Variants in ZNF804B observed in about 807,000 individuals in gnomAD.
ZNF804B encodes zinc finger 804B.
In ZNF804B, 80 loss-of-function variants were observed where a neutral mutation model predicts 101.4. That is an observed-to-expected ratio of 0.79 (90% CI 0.66 to 0.95). ZNF804B has a LOEUF of 0.95. Among genes scored for constraint, ZNF804B ranks in the 40% least tolerant of loss-of-function variants. ZNF804B has a pLI of 0.00. For missense variants in ZNF804B, 1,673 were observed against 1,561.9 expected (o/e 1.07, Z -1.20); for synonymous variants, 622 against 558.8 (o/e 1.11, Z -1.59).
At chr7:89,241,278 T>C (rs531729345) in intron 2 of ZNF804B, among the ~76,000 whole-genome samples, 34 of 152,214 alleles carry the variant, frequency 2.2e-4, no homozygotes, top group African/African-American at 7.5e-4. Flanking sequence ...TTATCCCAAG[T>C]TCCAGTACTT....
chr7:88,878,503 G>T (rs1791983925), intron 1 of ZNF804B, among the ~76,000 whole-genome samples: 1 of 152,040 alleles, frequency 6.6e-6, no homozygotes, highest in African/African-American at 2.4e-5. Context: ...TGATGAGAAT[G>T]GTATAGGAAT....
At chr7:89,215,700 G>A (rs1025048264) in intron 1 of ZNF804B, among the ~76,000 whole-genome samples, 1 of 151,320 alleles carries the variant, frequency 6.6e-6, no homozygotes, top group Non-Finnish European at 1.5e-5. Flanking sequence ...TGGCTAACAC[G>A]GTGAAATCCC....
At chr7:89,187,323 T>C (rs1269738378) in intron 1 of ZNF804B, among the ~76,000 whole-genome samples, 1 of 152,188 alleles carries the variant, frequency 6.6e-6, no homozygotes, top group Non-Finnish European at 1.5e-5. Context: ...ATGGATCATA[T>C]TCTTTCTCAC....
intron 1 of ZNF804B, among the ~76,000 whole-genome samples, chr7:88,770,543 T>C (rs77319882): frequency 0.012 from 1,775 of 152,272 alleles, 20 homozygotes; most frequent in African/African-American, 0.035. Flanking sequence ...AGATAATAAA[T>C]TGATGTTGCA....
At chr7:89,070,285 TGGC>T (rs1789516156) in intron 1 of ZNF804B, among the ~76,000 whole-genome samples, 1 of 152,164 alleles carries the variant, frequency 6.6e-6, no homozygotes, top group Non-Finnish European at 1.5e-5. Flanking sequence ...CAAAAGGCGC[TGGC>T]TTGAGAATAA....
At chr7:89,163,562 C>CT (rs1317226205) in intron 1 of ZNF804B, among the ~76,000 whole-genome samples, 2 of 151,922 alleles carry the variant, frequency 1.3e-5, no homozygotes, top group Non-Finnish European at 2.9e-5. Context: ...TTAGTGTTAT[C>CT]TTTTTTTCCT....
chr7:89,062,601 C>T lies in ZNF804B; in HGVS notation c.109-155554C>T, dbSNP rs568966900. 9.2e-5 allele frequency among the ~76,000 whole-genome samples: 14 copies of T among 152,176 alleles called. No individual in the cohort carries two copies. In the East Asian group the frequency reaches 2.7e-3, roughly 29 times the overall value. ...TGTTTCCTGATACTTAAAGTAGAGC[C>T]TGCTATACAGTAGGTGTTCAGTTAA... On this transcript the variant is annotated intron_variant, in intron 1 of 3. Transcript: ENST00000333190.
intron 1 of ZNF804B, among the ~76,000 whole-genome samples, chr7:88,891,634 T>A (rs1792216448): frequency 2.0e-5 from 3 of 150,938 alleles, no homozygotes; most frequent in Admixed American, 2.0e-4. Context: ...TTTTTTTTTT[T>A]AACTTTTAGC....
At position 89,337,201 on chromosome 7, in the gene ZNF804B, T is replaced by A. The variant is rs1791111354; in HGVS notation, c.*169T>A. The A allele has an allele frequency of 7.8e-6, 6 of 769,460 alleles. No homozygotes were observed. The highest frequency in any genetic ancestry group is 1.2e-5 in the Non-Finnish European group (6 of 515,302). 47.7% of individuals were successfully genotyped at this position (769,460 alleles called of 1,614,324 possible). ...TGCTAATACTAAAACAAGAGCATTT[T>A]AATAATTTTTTAGCTTGCCAAAATA... On this transcript the variant is annotated 3_prime_UTR_variant, in exon 4 of 4. Coordinates refer to ENST00000333190, the MANE Select transcript of ZNF804B (RefSeq NM_181646.5).
At chr7:88,963,168 A>G (rs982126362) in intron 1 of ZNF804B, among the ~76,000 whole-genome samples, 3 of 151,228 alleles carry the variant, frequency 2.0e-5, no homozygotes, top group Non-Finnish European at 4.4e-5. Flanking sequence ...GTACAAAAAT[A>G]ATGCTAAAAT....
intron 1 of ZNF804B, among the ~76,000 whole-genome samples, chr7:89,006,596 A>G (rs1393491937): frequency 2.0e-5 from 3 of 152,072 alleles, no homozygotes; most frequent in Non-Finnish European, 2.9e-5. Flanking sequence ...AATTTAAAGT[A>G]TAGCACAATT....
chr7:89,196,979 C>G (rs747865514), intron 1 of ZNF804B, among the ~76,000 whole-genome samples: 6 of 151,854 alleles, frequency 4.0e-5, no homozygotes, highest in Non-Finnish European at 7.4e-5. Flanking sequence ...CAGATGCTGG[C>G]AAGTTTGCAG....
chr7:89,297,876 T>C (rs534673740), intron 2 of ZNF804B, among the ~76,000 whole-genome samples: 25 of 151,748 alleles, frequency 1.6e-4, no homozygotes, highest in African/African-American at 5.8e-4. Flanking sequence ...ATAGCACTAT[T>C]TTTAATCCCC....
At chr7:89,203,047 A>G (rs1001482590) in intron 1 of ZNF804B, among the ~76,000 whole-genome samples, 1 of 152,094 alleles carries the variant, frequency 6.6e-6, no homozygotes, top group Non-Finnish European at 1.5e-5. Flanking sequence ...ATACTCACAC[A>G]AATGCACATA....
Position 88,900,680 on chromosome 7 carries a change from A to T in ZNF804B, c.108+140596A>T, listed in dbSNP as rs6944233. Among the ~76,000 whole-genome samples the T allele has an allele frequency of 2.4e-3, 370 of 151,336 alleles. 2 individuals carry two copies. Among genetic ancestry groups the T allele is most frequent in the African/African-American group, 8.8e-3 (366 of 41,356 alleles). On this transcript the variant is annotated intron_variant, in intron 1 of 3. Transcript: ENST00000333190. ...TAGACAGATATTTGAACAAATATTC[A>T]TAATATAAACTAATAATTCCTATAA...
At chr7:89,310,257 G>A (rs553226799) in intron 2 of ZNF804B, among the ~76,000 whole-genome samples, 8 of 152,108 alleles carry the variant, frequency 5.3e-5, no homozygotes, top group Admixed American at 5.2e-4. Context: ...GGACTCCCTT[G>A]AGGAGGTGTA....
chr7:88,761,909 C>T (rs1789903665), intron 1 of ZNF804B, among the ~76,000 whole-genome samples: 1 of 152,136 alleles, frequency 6.6e-6, no homozygotes, highest in African/African-American at 2.4e-5. Context: ...AGTCATCTCC[C>T]AAGAGCCTGA....
chr7:89,244,389 G>A (rs1789413091), intron 2 of ZNF804B, among the ~76,000 whole-genome samples: 1 of 152,026 alleles, frequency 6.6e-6, no homozygotes, highest in South Asian at 2.1e-4. Flanking sequence ...AATATTACGA[G>A]TTTTAAAATA....
intron 1 of ZNF804B, among the ~76,000 whole-genome samples, chr7:89,102,910 A>T (rs2116340929): frequency 6.6e-6 from 1 of 152,000 alleles, no homozygotes; most frequent in East Asian, 1.9e-4. Flanking sequence ...ATGGCTAGCC[A>T]GTTTTCACAG....
Sources: allele counts gnomAD v4.1 joint callset (sites outside exome capture counted in the v4.1 genomes callset), GRCh38; gene constraint gnomAD v4.1.1; transcripts MANE v1.5; gene names NCBI Gene and HGNC (gene_info 2026-07-23, HGNC 2026-07-21).